The following SEC22A variants were observed in gnomAD, a reference collection of about 807,000 sequenced individuals.
The protein encoded by SEC22A is vesicle-trafficking protein SEC22a.
SEC22A carries 22 observed loss-of-function variants against 35.3 expected under a neutral mutation model. That is an observed-to-expected ratio of 0.62 (90% CI 0.45 to 0.89). The LOEUF (loss-of-function observed/expected upper bound fraction) is 0.89, where lower values mean the gene tolerates loss of function less well. Ranked by LOEUF, SEC22A falls within the 40% of genes least tolerant of loss-of-function variation. The pLI, the probability that SEC22A is intolerant of heterozygous loss-of-function variation, is 0.00. For synonymous variants in SEC22A, 119 were observed against 129.5 expected (o/e 0.92, Z 0.55); for missense variants, 354 against 362.5 (o/e 0.98, Z 0.19).
intron 4 of SEC22A, among the ~76,000 whole-genome samples, chr3:123,240,862 A>G (rs1269293620): frequency 2.6e-5 from 4 of 152,108 alleles, no homozygotes; most frequent in African/African-American, 9.7e-5. Context: ...ACTGATAGAA[A>G]CACTTCTGTC....
chr3:123,269,215 G>GTGTGTGTGTGTGTATATATA (rs10642998), intron 6 of SEC22A, among the ~76,000 whole-genome samples: 1 of 136,782 alleles, frequency 7.3e-6, no homozygotes, highest in Non-Finnish European at 1.6e-5. Context: ...GTGTGTGTGT[G>GTGTGTGTGTGTGTATATATA]TATATATTAC....
In SEC22A at chr3:123,209,209, T is replaced by C; in HGVS notation, c.-9T>C. On this transcript the variant is annotated 5_prime_UTR_variant, in exon 2 of 7. Transcript: ENST00000492595. ...TTCATTTTGTTTTAGGTCTTCTCTG[T>C]TGGTTGAAATGTCTATGATTTTATC... 6.2e-7 allele frequency: 1 copy of C among 1,613,730 alleles called. No individual in the cohort carries two copies. The highest frequency in any genetic ancestry group is 1.1e-5 in the South Asian group (1 of 91,040).
rs141178769 is a variant in SEC22A, at chr3:123,206,982, C to A, written c.-19-2217C>A. On this transcript the variant is annotated intron_variant, in intron 1 of 6. Transcript: ENST00000492595. ...GCATGCCTGTAATCCTAGCTACTCG[C>A]GAGGCTGAGGCATGAGAATTGCTTG... Among the ~76,000 whole-genome samples the A allele has an allele frequency of 1.3e-4, 20 of 152,142 alleles. No homozygotes were observed. The East Asian group carries it at 3.5e-3, about 26-fold the overall frequency.
intron 1 of SEC22A, chr3:123,208,586 C>A (rs943784367): frequency 6.6e-6 from 1 of 152,108 alleles, no homozygotes; most frequent in Admixed American, 6.5e-5. Flanking sequence ...ATAGTCCCAG[C>A]CACATCCTAT....
chr3:123,223,168 A>G (rs1041951758), intron 2 of SEC22A, among the ~76,000 whole-genome samples: 1 of 152,202 alleles, frequency 6.6e-6, no homozygotes, highest in African/African-American at 2.4e-5. Flanking sequence ...CTTTCTAGGG[A>G]GAGTGTTCCT....
chr3:123,255,292 TTC>T (rs918237946), intron 5 of SEC22A, among the ~76,000 whole-genome samples: 1 of 152,212 alleles, frequency 6.6e-6, no homozygotes, highest in Non-Finnish European at 1.5e-5. Flanking sequence ...TTTGTTTTGT[TTC>T]TCTCTTTCTC....
intron 6 of SEC22A, among the ~76,000 whole-genome samples, chr3:123,263,332 A>G (rs1937935527): frequency 6.6e-6 from 1 of 152,188 alleles, no homozygotes; most frequent in African/African-American, 2.4e-5. Context: ...CCTTCTCAGT[A>G]TATCCTCACA....
intron 4 of SEC22A, among the ~76,000 whole-genome samples, chr3:123,236,397 A>G (rs555720066): frequency 6.6e-6 from 1 of 152,274 alleles, no homozygotes; most frequent in Non-Finnish European, 1.5e-5. Flanking sequence ...AATCTTCCTG[A>G]TATCTCTGGA....
At chr3:123,242,902 T>A (rs981675670) in intron 4 of SEC22A, among the ~76,000 whole-genome samples, 9 of 152,158 alleles carry the variant, frequency 5.9e-5, no homozygotes, top group Non-Finnish European at 2.9e-5. Context: ...TATTTCTCCC[T>A]CCCTTACTTT....
Position 123,223,607 on chromosome 3 carries a change from T to C in SEC22A, c.231T>C (p.Asn77=). The change falls in exon 3 of 7, where the codon AAT becomes AAC. Residue 77 remains asparagine, a synonymous_variant. Transcript: ENST00000492595. ...GVSYMMLCTE[N]YPNVLAFSFL... is the part of the protein sequence containing the mutation. ...GCTACATGATGTTGTGCACTGAAAA[T>C]TACCCAAATGTTCTCGCCTTCTCTT... 1 of 1,613,796 alleles carries C rather than the reference T, an allele frequency of 6.2e-7. No homozygotes were observed. The highest frequency in any genetic ancestry group is 8.5e-7 in the Non-Finnish European group (1 of 1,179,764).
chr3:123,230,592 C>T (rs887686562), intron 4 of SEC22A, among the ~76,000 whole-genome samples: 3 of 149,790 alleles, frequency 2.0e-5, no homozygotes, highest in African/African-American at 7.4e-5. Flanking sequence ...AGTATAAATT[C>T]TTGCAGTTAA....
intron 3 of SEC22A, among the ~76,000 whole-genome samples, chr3:123,224,303 A>C (rs1298943736): frequency 6.6e-6 from 1 of 152,184 alleles, no homozygotes; most frequent in Non-Finnish European, 1.5e-5. Context: ...GTAAAAATAA[A>C]ATTCCACTTG....
intron 5 of SEC22A, among the ~76,000 whole-genome samples, chr3:123,258,708 T>C (rs72962435): frequency 0.023 from 3,488 of 148,432 alleles, 137 homozygotes; most frequent in African/African-American, 0.082. Flanking sequence ...GAAATTATCA[T>C]TGTATAAAGA....
chr3:123,239,674 T>G (rs1937490948), intron 4 of SEC22A, among the ~76,000 whole-genome samples: 1 of 152,036 alleles, frequency 6.6e-6, no homozygotes, highest in Non-Finnish European at 1.5e-5. Context: ...TTGATGGGGT[T>G]GTTTGTTTTT....
intron 2 of SEC22A, among the ~76,000 whole-genome samples, chr3:123,211,251 T>C (rs1936935944): frequency 6.6e-6 from 1 of 152,000 alleles, no homozygotes; most frequent in African/African-American, 2.4e-5. Flanking sequence ...TGAGAAATAG[T>C]TTGATTGGGG....
chr3:123,271,854 T>A lies in SEC22A; in HGVS notation c.*132T>A. 1 of 734,676 alleles carries A rather than the reference T, an allele frequency of 1.4e-6. No individual in the cohort carries two copies. The highest frequency in any genetic ancestry group is 1.8e-5 in the African/African-American group (1 of 56,428). 45.5% of individuals were successfully genotyped at this position (734,676 alleles called of 1,614,324 possible). A position where few individuals can be genotyped will look rare whatever the true frequency, so the allele number is the denominator to read the frequency against. ...TTCTTTCTCTCCAACTTTCCTTTTT[T>A]AAAATCAGCATGATGTGCCTGTGAG... On this transcript the variant is annotated 3_prime_UTR_variant, in exon 7 of 7. Coordinates refer to ENST00000492595, the MANE Select transcript of SEC22A (RefSeq NM_012430.5).
chr3:123,269,131 G>T (rs1042539733), intron 6 of SEC22A, among the ~76,000 whole-genome samples: 2 of 151,060 alleles, frequency 1.3e-5, no homozygotes, highest in Non-Finnish European at 2.9e-5. Flanking sequence ...AATATGTGGG[G>T]TAGAGACCTA....
intron 6 of SEC22A, among the ~76,000 whole-genome samples, chr3:123,269,179 ATGTGTGTGTGTGTGTGTG>A (rs200267944): frequency 8.3e-6 from 1 of 120,664 alleles, no homozygotes; most frequent in Non-Finnish European, 1.9e-5. Context: ...AATTAAATAT[ATGTGTGTGTGTGTGTGTG>A]TGTGTGTGTG....
At chr3:123,218,543 C>T (rs111994231) in intron 2 of SEC22A, among the ~76,000 whole-genome samples, 6 of 152,156 alleles carry the variant, frequency 3.9e-5, no homozygotes, top group South Asian at 4.2e-4. Context: ...TAGCCATTCT[C>T]GGGGTACTCA....
Sources: gnomAD v4.1 joint callset for allele counts (sites outside exome capture counted in the v4.1 genomes callset) on GRCh38, gnomAD v4.1.1 for gene constraint, MANE v1.5 for transcripts, NCBI Gene and HGNC (gene_info 2026-07-23, HGNC 2026-07-21) for gene names.